The following TTC27 variants were observed in gnomAD, a reference collection of about 807,000 sequenced individuals.
TTC27 encodes tetratricopeptide repeat protein 27.
In TTC27, 79 loss-of-function variants were observed where a neutral mutation model predicts 115.9. That is an observed-to-expected ratio of 0.68 (90% CI 0.57 to 0.82). The LOEUF (loss-of-function observed/expected upper bound fraction) is 0.82. Among genes scored for constraint, TTC27 ranks in the 40% least tolerant of loss-of-function variants. The probability of loss-of-function intolerance (pLI) is 0.00; values close to 1 mark genes in which losing one functional copy is unlikely to be tolerated. For synonymous variants in TTC27, 401 were observed against 356.0 expected, an observed-to-expected ratio of 1.13 and a Z score of -1.42; for missense variants, 1,054 against 993.1, an observed-to-expected ratio of 1.06 and a Z score of -0.82.
rs958097781 is a variant in TTC27 at position 32,698,624 on chromosome 2, C to T, written c.1120-4183C>T. Among the ~76,000 whole-genome samples the T allele has an allele frequency of 6.6e-5, 10 of 151,672 alleles. No homozygotes were observed. The East Asian group carries it at 1.6e-3, about 24-fold the overall frequency. ...CCTCCTGAGTAGCTGGGACTACAGG[C>T]GCCCCCCACCACGCCTGGCTAATTT... is the stretch of plus-strand genomic sequence containing the variant. On this transcript the variant is annotated intron_variant, in intron 9 of 19. Transcript: ENST00000317907.
At chr2:32,758,159 A>T in intron 12 of TTC27, 133 bp from the exon 13 acceptor site, 1 of 759,976 alleles carries the variant, frequency 1.3e-6, no homozygotes, top group Non-Finnish European at 2.1e-6. Flanking sequence ...TGTGTCCTTG[A>T]TAGGTCAAAT....
At chr2:32,729,192 ATC>A (rs1222059340) in intron 10 of TTC27, among the ~76,000 whole-genome samples, 5 of 152,354 alleles carry the variant, frequency 3.3e-5, no homozygotes, top group Non-Finnish European at 1.5e-5. Flanking sequence ...CTTTGGGACT[ATC>A]TCTATTCTTT....
intron 11 of TTC27, among the ~76,000 whole-genome samples, chr2:32,735,244 A>G (rs1668413538): frequency 6.6e-6 from 1 of 152,212 alleles, no homozygotes; most frequent in Non-Finnish European, 1.5e-5. Flanking sequence ...AAAAAGCTTT[A>G]TGATATCTCA....
intron 16 of TTC27, among the ~76,000 whole-genome samples, chr2:32,793,272 GTCAA>G (rs1274102661): frequency 3.3e-5 from 5 of 152,100 alleles, no homozygotes; most frequent in Non-Finnish European, 7.4e-5. Flanking sequence ...GAAAAAAACT[GTCAA>G]TCAAGAATCC....
intron 13 of TTC27, among the ~76,000 whole-genome samples, chr2:32,762,688 C>T (rs1669486350): frequency 6.6e-6 from 1 of 151,936 alleles, no homozygotes; most frequent in Middle Eastern, 3.4e-3. Flanking sequence ...GGCTGGAGTG[C>T]AGTGGCGCGA....
intron 14 of TTC27, among the ~76,000 whole-genome samples, chr2:32,782,361 G>C (rs945752785): frequency 4.6e-5 from 7 of 152,132 alleles, no homozygotes; most frequent in African/African-American, 9.7e-5. Flanking sequence ...TATTTTGTAA[G>C]TCTAAATTTG....
chr2:32,711,769 G>A (rs187383069), intron 10 of TTC27, among the ~76,000 whole-genome samples: 1 of 152,142 alleles, frequency 6.6e-6, no homozygotes, highest in East Asian at 1.9e-4. Flanking sequence ...GTGAAACCTT[G>A]TCTCTACTAA....
chr2:32,678,420 A>G (rs1165401829), intron 8 of TTC27, among the ~76,000 whole-genome samples: 1 of 151,056 alleles, frequency 6.6e-6, no homozygotes, highest in Non-Finnish European at 1.5e-5. Flanking sequence ...TTTATTTTTT[A>G]ATTTTTTGTT....
intron 5 of TTC27, among the ~76,000 whole-genome samples, chr2:32,655,125 A>G (rs1210583063): frequency 6.6e-6 from 1 of 151,524 alleles, no homozygotes; most frequent in African/African-American, 2.4e-5. Flanking sequence ...AGCAGCTGGG[A>G]CTATGGGTGC....
At chr2:32,729,020 C>T (rs887632677) in intron 10 of TTC27, among the ~76,000 whole-genome samples, 15 of 150,842 alleles carry the variant, frequency 9.9e-5, no homozygotes, top group South Asian at 2.1e-4. Flanking sequence ...CACACACACA[C>T]GTACAAAGAT....
At chr2:32,715,435 C>G (rs1304779194) in intron 10 of TTC27, among the ~76,000 whole-genome samples, 1 of 152,070 alleles carries the variant, frequency 6.6e-6, no homozygotes, top group South Asian at 2.1e-4. Flanking sequence ...GTCTGTGTGT[C>G]TGTTTTTTGT....
chr2:32,696,948 T>TA (rs1309487790), intron 9 of TTC27, among the ~76,000 whole-genome samples: 1 of 152,246 alleles, frequency 6.6e-6, no homozygotes, highest in East Asian at 1.9e-4. Context: ...CCTGTAATCC[T>TA]AGCACTTTGG....
chr2:32,729,181 C>T (rs751192336), intron 10 of TTC27, among the ~76,000 whole-genome samples: 3 of 152,194 alleles, frequency 2.0e-5, no homozygotes, highest in African/African-American at 2.4e-5. Context: ...AAGGGTAGGT[C>T]CTTTGGGACT....
intron 16 of TTC27, among the ~76,000 whole-genome samples, chr2:32,810,035 T>C (rs919470397): frequency 6.6e-6 from 1 of 150,846 alleles, no homozygotes; most frequent in Non-Finnish European, 1.5e-5. Flanking sequence ...GAGAATCACT[T>C]GAGCCCGGGA....
chr2:32,817,208 A>G lies in TTC27; in HGVS notation c.2309-249A>G, dbSNP rs115236232. ...GGCCAGTAGTTCAAGGCTGTATGCC[A>G]CACCTCCAGACTGAGCGACAGGGTG... On this transcript the variant is annotated intron_variant, in intron 18 of 19. Coordinates refer to ENST00000317907, the MANE Select transcript of TTC27 (RefSeq NM_017735.5). Among the ~76,000 whole-genome samples, 396 of 151,966 alleles carry G rather than the reference A, an allele frequency of 2.6e-3. 2 individuals carry two copies. The highest frequency in any genetic ancestry group is 8.2e-3 in the African/African-American group (342 of 41,456).
At chr2:32,651,128 G>T (rs1369678093) in intron 5 of TTC27, among the ~76,000 whole-genome samples, 1 of 152,166 alleles carries the variant, frequency 6.6e-6, no homozygotes, top group Non-Finnish European at 1.5e-5. Flanking sequence ...TTTTAGCTGT[G>T]TCTGGTTCCA....
chr2:32,812,717 A>ATTATAAATAGTAT (rs2148048487), intron 18 of TTC27, 102 bp downstream of exon 18: 1 of 812,300 alleles, frequency 1.2e-6, no homozygotes, highest in Non-Finnish European at 2.0e-6. Context: ...AAATAGTATC[A>ATTATAAATAGTAT]AATTATTTCA....
chr2:32,642,649 T>C (rs1457012117), intron 4 of TTC27, among the ~76,000 whole-genome samples: 1 of 151,780 alleles, frequency 6.6e-6, no homozygotes, highest in Non-Finnish European at 1.5e-5. Context: ...GTACTAGAGG[T>C]TGTTTTTTGT....
intron 4 of TTC27, among the ~76,000 whole-genome samples, chr2:32,640,846 G>C (rs1450079465): frequency 6.6e-6 from 1 of 152,116 alleles, no homozygotes; most frequent in Non-Finnish European, 1.5e-5. Flanking sequence ...GCTGGGCGCA[G>C]TGGCGTGCAC....
Sources: allele counts gnomAD v4.1 joint callset (sites outside exome capture counted in the v4.1 genomes callset), GRCh38; gene constraint gnomAD v4.1.1; transcripts MANE v1.5; gene names NCBI Gene and HGNC (gene_info 2026-07-23, HGNC 2026-07-21).